Variants in IQCJ observed in about 807,000 individuals in gnomAD.
IQCJ encodes the protein IQ domain-containing protein J.
In IQCJ, 9 loss-of-function variants were observed where a neutral mutation model predicts 11.0. That is an observed-to-expected ratio of 0.82 (90% CI 0.49 to 1.43). The LOEUF (loss-of-function observed/expected upper bound fraction) is 1.43, where lower values mean the gene tolerates loss of function less well. Among genes scored for constraint, IQCJ ranks in the 40% most tolerant of loss-of-function variants. IQCJ has a pLI of 0.00. For missense variants in IQCJ, 146 were observed against 133.2 expected, an observed-to-expected ratio of 1.10 and a Z score of -0.47; for synonymous variants, 55 against 51.3, an observed-to-expected ratio of 1.07 and a Z score of -0.31.
chr3:159,161,795 C>T (rs1721875347), intron 1 of IQCJ, among the ~76,000 whole-genome samples: 1 of 151,970 alleles, frequency 6.6e-6, no homozygotes, highest in African/African-American at 2.4e-5. Flanking sequence ...GGAATCCTTT[C>T]CTCATTGCTT....
intron 1 of IQCJ, among the ~76,000 whole-genome samples, chr3:159,172,730 C>T (rs6781847): frequency 9.6e-4 from 110 of 114,242 alleles, no homozygotes; most frequent in Non-Finnish European, 1.6e-3. Context: ...ACAGAAAGAG[C>T]TTAAAGGTTC....
intron 1 of IQCJ, among the ~76,000 whole-genome samples, chr3:159,116,808 C>T (rs1719050601): frequency 6.6e-6 from 1 of 151,324 alleles, no homozygotes. Context: ...AGAACCAAAC[C>T]ACACAAGCAC....
intron 1 of IQCJ, among the ~76,000 whole-genome samples, chr3:159,130,350 T>C (rs1317609337): frequency 1.3e-5 from 2 of 152,142 alleles, no homozygotes; most frequent in African/African-American, 4.8e-5. Flanking sequence ...TGAGAGATGT[T>C]GTAGGTAGAG....
At chr3:159,126,578 G>T (rs571859420) in intron 1 of IQCJ, among the ~76,000 whole-genome samples, 2 of 152,276 alleles carry the variant, frequency 1.3e-5, no homozygotes, top group East Asian at 3.9e-4. Flanking sequence ...GACAGGGTAG[G>T]TTCTGAATAA....
intron 1 of IQCJ, among the ~76,000 whole-genome samples, chr3:159,130,117 CT>C (rs754401509): frequency 6.6e-6 from 1 of 152,138 alleles, no homozygotes; most frequent in Non-Finnish European, 1.5e-5. Flanking sequence ...AACCTCTAAT[CT>C]TTTCTCCACC....
At chr3:159,234,209 A>T (rs1365124229) in intron 1 of IQCJ, among the ~76,000 whole-genome samples, 2 of 152,228 alleles carry the variant, frequency 1.3e-5, no homozygotes, top group Non-Finnish European at 2.9e-5. Flanking sequence ...TAATAATGGC[A>T]TATTTTGCTA....
chr3:159,111,731 G>T (rs962271891), intron 1 of IQCJ, among the ~76,000 whole-genome samples: 3 of 152,154 alleles, frequency 2.0e-5, no homozygotes, highest in Non-Finnish European at 2.9e-5. Flanking sequence ...CACATTCCCA[G>T]AGGTGATTCA....
intron 1 of IQCJ, among the ~76,000 whole-genome samples, chr3:159,090,290 G>C (rs964435705): frequency 2.6e-5 from 4 of 151,804 alleles, no homozygotes; most frequent in South Asian, 2.1e-4. Flanking sequence ...CCCGTTCTCA[G>C]ATCTCCAGCT....
At chr3:159,148,269 T>A (rs1314315271) in intron 1 of IQCJ, among the ~76,000 whole-genome samples, 1 of 152,228 alleles carries the variant, frequency 6.6e-6, no homozygotes, top group Non-Finnish European at 1.5e-5. Flanking sequence ...CTTATACAGA[T>A]CTTCCAGCCT....
intron 1 of IQCJ, among the ~76,000 whole-genome samples, chr3:159,210,088 G>A (rs1724870472): frequency 6.6e-6 from 1 of 152,178 alleles, no homozygotes; most frequent in Admixed American, 6.5e-5. Flanking sequence ...TGGCCTGGAG[G>A]GCCTGCCATG....
At chr3:159,213,688 G>A (rs1725071759) in intron 1 of IQCJ, among the ~76,000 whole-genome samples, 1 of 152,114 alleles carries the variant, frequency 6.6e-6, no homozygotes, top group South Asian at 2.1e-4. Flanking sequence ...CTATTTTGCT[G>A]CATAATTTAC....
chr3:159,251,940 A>G (rs934168703), intron 2 of IQCJ, among the ~76,000 whole-genome samples: 1 of 152,244 alleles, frequency 6.6e-6, no homozygotes, highest in African/African-American at 2.4e-5. Context: ...TGTTATACAC[A>G]TTATGAGACC....
intron 1 of IQCJ, among the ~76,000 whole-genome samples, chr3:159,093,113 T>A (rs1717456271): frequency 6.6e-6 from 1 of 151,882 alleles, no homozygotes; most frequent in Non-Finnish European, 1.5e-5. Context: ...TTAGCAACAA[T>A]GAAGCAAATG....
intron 1 of IQCJ, among the ~76,000 whole-genome samples, chr3:159,082,792 C>A (rs1223736400): frequency 6.6e-6 from 1 of 151,958 alleles, no homozygotes; most frequent in Non-Finnish European, 1.5e-5. Flanking sequence ...GATTCTGGGA[C>A]AGATAGAGAC....
intron 1 of IQCJ, among the ~76,000 whole-genome samples, chr3:159,137,972 A>G (rs965074739): frequency 6.6e-6 from 1 of 152,252 alleles, no homozygotes; most frequent in South Asian, 2.1e-4. Context: ...AATGCAAATT[A>G]CAATGCTTAC....
rs1046400260 is a variant in IQCJ at position 159,126,488 on chromosome 3, C to T, written c.9+57047C>T. ...CTTTCTTATTAGTCATAAACATGAC[C>T]GTGTCCCCACAAGACCACAAACTTC... is the stretch of plus-strand genomic sequence containing the variant. On this transcript the variant is annotated intron_variant, in intron 1 of 3. Transcript: ENST00000397832. Among the ~76,000 whole-genome samples the T allele has an allele frequency of 1.1e-4, 16 of 152,292 alleles. No individual in the cohort carries two copies. In the East Asian group the frequency reaches 2.3e-3, roughly 22 times the overall value.
intron 1 of IQCJ, among the ~76,000 whole-genome samples, chr3:159,170,354 A>C (rs995700807): frequency 6.6e-6 from 1 of 152,190 alleles, no homozygotes; most frequent in African/African-American, 2.4e-5. Flanking sequence ...TGAAATGTCA[A>C]ACAATATCAA....
chr3:159,230,819 T>G (rs1172860773), intron 1 of IQCJ, among the ~76,000 whole-genome samples: 1 of 152,244 alleles, frequency 6.6e-6, no homozygotes, highest in Non-Finnish European at 1.5e-5. Flanking sequence ...TCCAGGGTAG[T>G]GTTTGTCAAC....
intron 1 of IQCJ, among the ~76,000 whole-genome samples, chr3:159,122,300 T>C (rs1195495108): frequency 1.3e-5 from 2 of 152,164 alleles, no homozygotes; most frequent in Non-Finnish European, 2.9e-5. Flanking sequence ...GACAAAAATA[T>C]TCAGTTCATA....
Sources: gnomAD v4.1 joint callset for allele counts (sites outside exome capture counted in the v4.1 genomes callset) on GRCh38, gnomAD v4.1.1 for gene constraint, MANE v1.5 for transcripts, NCBI Gene and HGNC (gene_info 2026-07-23, HGNC 2026-07-21) for gene names.